TCEA1: variants seen among roughly 807,000 people sequenced by gnomAD.
TCEA1 encodes the protein transcription elongation factor A1.
In TCEA1, 21 loss-of-function variants were observed where a neutral mutation model predicts 43.8. The ratio of observed to expected loss-of-function variants is 0.48; its 90% CI spans 0.34 to 0.69. The LOEUF (loss-of-function observed/expected upper bound fraction) is 0.69, where lower values mean the gene tolerates loss of function less well. TCEA1 is among the 30% of genes least tolerant of loss of function. The probability of loss-of-function intolerance (pLI) is 0.01; values close to 1 mark genes in which losing one functional copy is unlikely to be tolerated. For missense variants in TCEA1, 250 were observed against 365.1 expected, an observed-to-expected ratio of 0.68 and a Z score of 2.57; for synonymous variants, 104 against 117.5, an observed-to-expected ratio of 0.88 and a Z score of 0.75.
At chr8:54,017,098 G>C (rs1804856148) in intron 1 of TCEA1, among the ~76,000 whole-genome samples, 1 of 151,840 alleles carries the variant, frequency 6.6e-6, no homozygotes, top group South Asian at 2.1e-4. Flanking sequence ...CAGACAGAAA[G>C]TATATTAGTG....
At position 53,984,521 on chromosome 8, in the gene TCEA1, C is replaced by G. The variant is rs533028372; in HGVS notation, c.524-4G>C. On this transcript the variant is annotated splice_region_variant and splice_polypyrimidine_tract_variant and intron_variant, in intron 6 of 9. Transcript: ENST00000521604. Reference sequence around the variant, plus strand: ...TTCCTTATTTCTTGATATATAGGTACCAGGCCGTTAAGGAAAAAAGGCAAA... The same window carrying G: ...TTCCTTATTTCTTGATATATAGGTAGCAGGCCGTTAAGGAAAAAAGGCAAA... 1.3e-6 allele frequency: 2 copies of G among 1,551,804 alleles called. No homozygotes were observed. The highest frequency in any genetic ancestry group is 1.7e-6 in the Non-Finnish European group (2 of 1,153,568).
intron 1 of TCEA1, among the ~76,000 whole-genome samples, chr8:54,017,382 TTA>T (rs1350271496): frequency 1.3e-5 from 2 of 152,240 alleles, no homozygotes; most frequent in Non-Finnish European, 2.9e-5. Context: ...TCTCCTCAGC[TTA>T]TTCAATGTGA....
intron 4 of TCEA1, among the ~76,000 whole-genome samples, chr8:53,992,013 C>T (rs1048816621): frequency 2.6e-5 from 4 of 151,978 alleles, no homozygotes; most frequent in Admixed American, 6.5e-5. Flanking sequence ...CCTTAATGTC[C>T]TAAATACCTC....
At chr8:54,010,605 A>G in intron 1 of TCEA1, 113 bp from the exon 2 acceptor site, 1 of 768,752 alleles carries the variant, frequency 1.3e-6, no homozygotes. Context: ...ATAAAATCAG[A>G]TAAGGAGCAA....
At chr8:53,975,973 A>C (rs1803320292) in intron 8 of TCEA1, among the ~76,000 whole-genome samples, 1 of 152,218 alleles carries the variant, frequency 6.6e-6, no homozygotes. Context: ...TTAAAAACTT[A>C]ATCTATACAA....
chr8:53,986,604 C>G (rs907831207), intron 6 of TCEA1, among the ~76,000 whole-genome samples: 5 of 152,192 alleles, frequency 3.3e-5, no homozygotes, highest in African/African-American at 1.2e-4. Flanking sequence ...CACTCTCCTG[C>G]TATCTGAAGC....
At chr8:53,974,815 C>A (rs1249512076) in intron 8 of TCEA1, among the ~76,000 whole-genome samples, 1 of 152,110 alleles carries the variant, frequency 6.6e-6, no homozygotes, top group African/African-American at 2.4e-5. Flanking sequence ...CAGATGTGAG[C>A]CACCGCACCC....
chr8:53,992,379 G>A (rs1311710813), intron 4 of TCEA1, among the ~76,000 whole-genome samples: 2 of 152,052 alleles, frequency 1.3e-5, no homozygotes, highest in Non-Finnish European at 1.5e-5. Flanking sequence ...TTGGGACACT[G>A]AGGAGGGCGG....
At chr8:54,010,405 A>C in intron 2 of TCEA1, 25 bp downstream of exon 2, 1 of 1,572,464 alleles carries the variant, frequency 6.4e-7, no homozygotes, top group Non-Finnish European at 8.6e-7. Flanking sequence ...CTATTAAAAA[A>C]ACTTTGATGC....
intron 2 of TCEA1, among the ~76,000 whole-genome samples, chr8:54,009,038 C>T (rs1481158927): frequency 2.6e-5 from 4 of 151,450 alleles, no homozygotes; most frequent in African/African-American, 4.8e-5. Context: ...TTAGTAGTGA[C>T]GGTGTTTTAC....
chr8:54,010,252 C>T, intron 2 of TCEA1, 178 bp downstream of exon 2: 1 of 549,376 alleles, frequency 1.8e-6, no homozygotes, highest in South Asian at 2.3e-5. Flanking sequence ...GGCGACATTG[C>T]TCTATAATGG....
intron 2 of TCEA1, among the ~76,000 whole-genome samples, chr8:54,003,251 C>T (rs1804328246): frequency 6.6e-6 from 1 of 152,230 alleles, no homozygotes; most frequent in Non-Finnish European, 1.5e-5. Flanking sequence ...AATCTCATGT[C>T]GATAGACCGG....
intron 1 of TCEA1, among the ~76,000 whole-genome samples, chr8:54,011,712 T>C (rs1009575215): frequency 6.6e-6 from 1 of 152,250 alleles, no homozygotes; most frequent in Non-Finnish European, 1.5e-5. Flanking sequence ...AAGACTCTCA[T>C]AGTATCACTT....
At chr8:53,999,091 G>A (rs1213741867) in intron 3 of TCEA1, among the ~76,000 whole-genome samples, 1 of 151,870 alleles carries the variant, frequency 6.6e-6, no homozygotes, top group Non-Finnish European at 1.5e-5. Context: ...AGCTGGGCGT[G>A]GTGGCGGCCA....
intron 6 of TCEA1, among the ~76,000 whole-genome samples, chr8:53,986,588 T>C (rs1171258546): frequency 1.3e-5 from 2 of 152,254 alleles, no homozygotes. Context: ...TTCTCAATCA[T>C]ATTTTCACTC....
intron 7 of TCEA1, among the ~76,000 whole-genome samples, chr8:53,982,017 G>A (rs1414716089): frequency 6.0e-5 from 9 of 148,806 alleles, no homozygotes; most frequent in East Asian, 2.0e-4. Context: ...TGCTCATCTC[G>A]GCTTCCCAAA....
At chr8:53,983,197 G>A (rs1249902100) in intron 7 of TCEA1, among the ~76,000 whole-genome samples, 1 of 152,196 alleles carries the variant, frequency 6.6e-6, no homozygotes, top group South Asian at 2.1e-4. Flanking sequence ...GGTGTACACT[G>A]TTTTCTTAGA....
At chr8:54,020,279 A>G (rs1804979606) in intron 1 of TCEA1, among the ~76,000 whole-genome samples, 1 of 152,224 alleles carries the variant, frequency 6.6e-6, no homozygotes, top group Non-Finnish European at 1.5e-5. Context: ...TTTAAACAAA[A>G]TAACGAAAAT....
At chr8:54,020,512 G>C (rs762359481) in intron 1 of TCEA1, among the ~76,000 whole-genome samples, 16 of 152,210 alleles carry the variant, frequency 1.1e-4, no homozygotes, top group Non-Finnish European at 2.2e-4. Context: ...GATGTTTGAA[G>C]TCTTACGTAT....
Sources: gnomAD v4.1 joint callset for allele counts (sites outside exome capture counted in the v4.1 genomes callset) on GRCh38, gnomAD v4.1.1 for gene constraint, MANE v1.5 for transcripts, NCBI Gene and HGNC (gene_info 2026-07-23, HGNC 2026-07-21) for gene names.